ST18: variants seen among roughly 807,000 people sequenced by gnomAD.
ST18 encodes suppression of tumorigenicity 18 protein.
In ST18, 50 loss-of-function variants were observed where a neutral mutation model predicts 110.0. The observed-to-expected ratio is 0.45, with a 90% CI of 0.36 to 0.58. The LOEUF (loss-of-function observed/expected upper bound fraction) is 0.58, where lower values mean the gene tolerates loss of function less well. ST18 is among the 20% of genes least tolerant of loss of function. The probability of loss-of-function intolerance (pLI) is 0.00; values close to 1 mark genes in which losing one functional copy is unlikely to be tolerated. For missense variants in ST18, 1,306 were observed against 1,280.1 expected (o/e 1.02, Z -0.31); for synonymous variants, 461 against 452.4 (o/e 1.02, Z -0.24).
chr8:52,123,932 G>A (rs1366660224), intron 23 of ST18, among the ~76,000 whole-genome samples: 2 of 152,160 alleles, frequency 1.3e-5, no homozygotes, highest in African/African-American at 4.8e-5. Context: ...TTCATAATGA[G>A]AACTCATAAG....
chr8:52,267,556 G>A (rs1452040577), intron 2 of ST18, among the ~76,000 whole-genome samples: 1 of 150,796 alleles, frequency 6.6e-6, no homozygotes, highest in Non-Finnish European at 1.5e-5. Context: ...AGTGTCCTCG[G>A]AAGACAGTGC....
rs1216744156 is a variant in ST18, at chr8:52,230,050, G to A, written c.-437C>T. 1 of 152,562 alleles carries A rather than the reference G, an allele frequency of 6.6e-6. No homozygotes were observed. The highest frequency in any genetic ancestry group is 1.5e-5 in the Non-Finnish European group (1 of 68,038). The allele number at this position is 152,562 out of a possible 1,614,324, so 9.5% of individuals were successfully genotyped here. A position where few individuals can be genotyped will look rare whatever the true frequency, so the allele number is the denominator to read the frequency against. Reference sequence around the variant, plus strand: ...TACTTACCTTCCCTAAAAGCTACTGGATCTGAACTGGAGAGTTTCCATCAC... The same window carrying A: ...TACTTACCTTCCCTAAAAGCTACTGAATCTGAACTGGAGAGTTTCCATCAC... On this transcript the variant is annotated 5_prime_UTR_variant, in exon 3 of 26. Transcript: ENST00000689386.
chr8:52,214,879 T>A (rs1451382128), intron 6 of ST18, among the ~76,000 whole-genome samples: 1 of 152,206 alleles, frequency 6.6e-6, no homozygotes, highest in African/African-American at 2.4e-5. Context: ...CAGTGTCAAA[T>A]TCTCCAAAAC....
At chr8:52,305,182 T>C (rs1342261978) in intron 2 of ST18, among the ~76,000 whole-genome samples, 1 of 152,204 alleles carries the variant, frequency 6.6e-6, no homozygotes, top group Non-Finnish European at 1.5e-5. Flanking sequence ...GTAATGTCTA[T>C]ATGATATGGA....
intron 19 of ST18, among the ~76,000 whole-genome samples, chr8:52,135,961 T>A (rs550267250): frequency 1.3e-5 from 2 of 152,198 alleles, no homozygotes; most frequent in South Asian, 4.1e-4. Flanking sequence ...TCTTTTAAAA[T>A]TTATGCCCTA....
intron 13 of ST18, among the ~76,000 whole-genome samples, chr8:52,163,121 T>C (rs1013564319): frequency 1.3e-5 from 2 of 152,212 alleles, no homozygotes; most frequent in Non-Finnish European, 2.9e-5. Context: ...ACCAAGAATC[T>C]TACTTTAAGA....
At chr8:52,219,861 C>G (rs893590484) in intron 5 of ST18, among the ~76,000 whole-genome samples, 3 of 152,210 alleles carry the variant, frequency 2.0e-5, no homozygotes, top group African/African-American at 7.2e-5. Flanking sequence ...TCTCTGATTT[C>G]TGAGTTGTCA....
chr8:52,365,676 G>A (rs1232091341), intron 2 of ST18, among the ~76,000 whole-genome samples: 1 of 151,280 alleles, frequency 6.6e-6, no homozygotes, highest in Admixed American at 6.6e-5. Flanking sequence ...TTAATCAAGT[G>A]CCAGGCACAA....
At chr8:52,400,219 A>G in intron 2 of ST18, among the ~76,000 whole-genome samples, 1 of 152,196 alleles carries the variant, frequency 6.6e-6, no homozygotes, top group Non-Finnish European at 1.5e-5. Flanking sequence ...TGCTATAAAC[A>G]GCCATCTCTG....
intron 2 of ST18, among the ~76,000 whole-genome samples, chr8:52,286,768 A>G (rs1165056110): frequency 6.6e-6 from 1 of 150,854 alleles, no homozygotes; most frequent in Non-Finnish European, 1.5e-5. Context: ...GTATCTGGCT[A>G]CTAGATAATC....
At chr8:52,270,085 G>A (rs907026137) in intron 2 of ST18, among the ~76,000 whole-genome samples, 2 of 152,032 alleles carry the variant, frequency 1.3e-5, no homozygotes, top group African/African-American at 4.8e-5. Flanking sequence ...GAGAAAATTT[G>A]GAAAATAAAA....
intron 2 of ST18, among the ~76,000 whole-genome samples, chr8:52,343,560 C>T (rs1025893522): frequency 7.9e-5 from 12 of 152,182 alleles, no homozygotes; most frequent in African/African-American, 2.9e-4. Context: ...AACCAAATCC[C>T]TCACACGCAG....
intron 23 of ST18, chr8:52,125,749 C>T (rs1586383084): frequency 7.1e-6 from 2 of 282,138 alleles, no homozygotes; most frequent in South Asian, 1.7e-4. Flanking sequence ...CTTGGTCTCC[C>T]AAAGTGCTGG....
At chr8:52,404,978 T>C (rs928319885) in intron 2 of ST18, 4 of 152,270 alleles carry the variant, frequency 2.6e-5, no homozygotes, top group African/African-American at 9.6e-5. Context: ...ATTATGTTTA[T>C]GCCTTTTGAA....
intron 8 of ST18, among the ~76,000 whole-genome samples, chr8:52,189,899 T>C (rs754737713): frequency 3.4e-4 from 52 of 152,192 alleles, no homozygotes; most frequent in Non-Finnish European, 5.6e-4. Context: ...GCTTCTTGGC[T>C]AGTGCGGTAG....
At position 52,143,037 on chromosome 8, in the gene ST18, T is replaced by C. The variant is rs2055834009; in HGVS notation, c.2061A>G (p.Pro687=). ...CCTCTAAATTTTCTAGAGAGCTCAC[T>C]GGGTCTTTCTGGAAAACAAACAAAA... The part of the protein sequence containing the change: ...GKTEEEKEKD[P]VSSLENLEEK... The change falls in exon 17 of 26, where the codon CCA becomes CCG. Residue 687 remains proline (P), a synonymous_variant. Transcript: ENST00000689386. 4 of 1,602,106 alleles carry C rather than the reference T, an allele frequency of 2.5e-6. No homozygotes were observed. The Admixed American group carries it at 5.0e-5, about 20-fold the overall frequency.
chr8:52,353,070 A>G (rs1821111968), intron 2 of ST18, among the ~76,000 whole-genome samples: 1 of 152,250 alleles, frequency 6.6e-6, no homozygotes, highest in South Asian at 2.1e-4. Flanking sequence ...TAGGCAGTGC[A>G]CAGTGATCCA....
intron 2 of ST18, among the ~76,000 whole-genome samples, chr8:52,257,830 G>A (rs2094571171): frequency 8.4e-6 from 1 of 118,410 alleles, no homozygotes; most frequent in Admixed American, 8.4e-5. Context: ...TTGTGCTTTG[G>A]TGTCATAGCT....
At position 52,180,197 on chromosome 8, in the gene ST18, C is replaced by T. The variant is rs779758201; in HGVS notation, c.202G>A (p.Ala68Thr). The T allele has an allele frequency of 1.2e-6, 2 of 1,614,134 alleles. No homozygotes were observed. The highest frequency in any genetic ancestry group is 1.1e-5 in the South Asian group (1 of 91,076). Residue 68 changes from alanine to threonine, a missense_variant, in exon 9 of 26, where the codon GCA (alanine) becomes ACA (threonine). Transcript: ENST00000689386. ...TCACTGCGGTCTTCTTGGCAGTCTG[C>T]TTTTGGGCTGTAGTGTCGGGGCTTC... Reference protein sequence around the residue: ...LMKPRHYSPKADCQEDRSDRT... With the variant: ...LMKPRHYSPKTDCQEDRSDRT...
Sources: allele counts gnomAD v4.1 joint callset (sites outside exome capture counted in the v4.1 genomes callset), GRCh38; gene constraint gnomAD v4.1.1; transcripts MANE v1.5; gene names NCBI Gene and HGNC (gene_info 2026-07-23, HGNC 2026-07-21).